ZNF667: variants seen among roughly 807,000 people sequenced by gnomAD.
ZNF667 encodes zinc finger protein 667, also known as myocardial ischemic preconditioning upregulated 1 ortholog.
In ZNF667, 13 loss-of-function variants were observed where a neutral mutation model predicts 31.8. The ratio of observed to expected loss-of-function variants is 0.41; its 90% CI spans 0.27 to 0.65. The LOEUF (loss-of-function observed/expected upper bound fraction) is 0.65, where lower values mean the gene tolerates loss of function less well. ZNF667 is among the 30% of genes least tolerant of loss of function. ZNF667 has a pLI of 0.32. For missense variants in ZNF667, 642 were observed against 725.6 expected (o/e 0.88, Z 1.32); for synonymous variants, 228 against 247.1 (o/e 0.92, Z 0.73).
intron 6 of ZNF667, among the ~76,000 whole-genome samples, chr19:56,457,507 T>C (rs1428838516): frequency 1.3e-5 from 2 of 152,218 alleles, no homozygotes; most frequent in South Asian, 2.1e-4. Context: ...TGCTTATCTA[T>C]AAAGTAGGGG....
In ZNF667 at chr19:56,440,998, T is replaced by G; in HGVS notation, c.*164A>C. On this transcript the variant is annotated 3_prime_UTR_variant, in exon 7 of 7. Transcript: ENST00000504904. Reference sequence around the variant, plus strand: ...ACTTCTGAGTTTCCTTCAGTTAATTTCAAATCCTGAGGTCAAAATCACCAA... The same window carrying G: ...ACTTCTGAGTTTCCTTCAGTTAATTGCAAATCCTGAGGTCAAAATCACCAA... 1 of 1,420,436 alleles carries G rather than the reference T, an allele frequency of 7.0e-7. No homozygotes were observed. Among genetic ancestry groups the G allele is most frequent in the Non-Finnish European group, 9.2e-7 (1 of 1,090,790 alleles). 88.0% of individuals were successfully genotyped at this position (1,420,436 alleles called of 1,614,324 possible).
In ZNF667 at chr19:56,440,693, G is replaced by T; in HGVS notation, c.*469C>A. 1 of 733,068 alleles carries T rather than the reference G, an allele frequency of 1.4e-6. No homozygotes were observed. Among genetic ancestry groups the T allele is most frequent in the Non-Finnish European group, 1.7e-6 (1 of 598,418 alleles). The allele number at this position is 733,068 out of a possible 1,614,324, so 45.4% of individuals were successfully genotyped here. A position where few individuals can be genotyped will look rare whatever the true frequency, so the allele number is the denominator to read the frequency against. ...GCTCTGTTGCCCAGACTGGAGTGCA[G>T]TGGTGCAATCTCTGCTCGGTGCAAC... On this transcript the variant is annotated 3_prime_UTR_variant, in exon 7 of 7. Coordinates refer to ENST00000504904, the MANE Select transcript of ZNF667 (RefSeq NM_001321356.2).
Position 56,442,028 on chromosome 19 carries a change from T to A in ZNF667, c.967A>T (p.Ser323Cys). ...KALSQSLQQR[S>C]HHLENPFKCR... ...TTAAAAGGATTCTCTAAATGGTGAC[T>A]TCTTTGCTGTAGACTCTGACTTAAG... Residue 323 changes from serine to cysteine, a missense_variant, in exon 7 of 7, where the codon AGT becomes TGT. Transcript: ENST00000504904. The A allele has an allele frequency of 6.2e-7, 1 of 1,614,170 alleles. No individual in the cohort carries two copies. Among genetic ancestry groups the A allele is most frequent in the Non-Finnish European group, 8.5e-7 (1 of 1,180,018 alleles).
At chr19:56,448,319 A>G (rs1050135195) in intron 6 of ZNF667, among the ~76,000 whole-genome samples, 19 of 152,176 alleles carry the variant, frequency 1.2e-4, no homozygotes, top group African/African-American at 3.1e-4. Flanking sequence ...TGTCCACCAC[A>G]GTGGTGGAAA....
chr19:56,473,489 T>C (rs568823120), intron 2 of ZNF667, among the ~76,000 whole-genome samples: 1 of 152,336 alleles, frequency 6.6e-6, no homozygotes, highest in South Asian at 2.1e-4. Flanking sequence ...TACATGCATA[T>C]AATGAGACAC....
At chr19:56,454,527 A>G (rs1396007638) in intron 6 of ZNF667, among the ~76,000 whole-genome samples, 2 of 151,914 alleles carry the variant, frequency 1.3e-5, no homozygotes, top group African/African-American at 2.4e-5. Context: ...ATAAATCCAT[A>G]CATCTACAGT....
intron 6 of ZNF667, among the ~76,000 whole-genome samples, chr19:56,451,954 A>G (rs2042837854): frequency 6.6e-6 from 1 of 151,804 alleles, no homozygotes; most frequent in Admixed American, 6.6e-5. Flanking sequence ...GAACAAAACT[A>G]GAAATCAATA....
intron 6 of ZNF667, among the ~76,000 whole-genome samples, chr19:56,454,437 G>C (rs1183407055): frequency 6.6e-6 from 1 of 151,948 alleles, no homozygotes; most frequent in African/African-American, 2.4e-5. Flanking sequence ...TTATACTACA[G>C]AGCTATAGTA....
At chr19:56,467,377 G>A (rs2043185926) in intron 3 of ZNF667, among the ~76,000 whole-genome samples, 1 of 152,136 alleles carries the variant, frequency 6.6e-6, no homozygotes, top group South Asian at 2.1e-4. Flanking sequence ...AAATTATCCT[G>A]AAAATGGAAA....
Position 56,441,111 on chromosome 19 carries a change from T to C in ZNF667, c.*51A>G. On this transcript the variant is annotated 3_prime_UTR_variant, in exon 7 of 7. Coordinates refer to ENST00000504904, the MANE Select transcript of ZNF667 (RefSeq NM_001321356.2). This position sits in a 1 kb window ranked among gnomAD's most constrained non-coding sequence, Gnocchi z 4.2. ...TTTACATTATAGACAAATACATATT[T>C]GCCATATGTTTGATAGCCTCATTCG... 6.5e-7 allele frequency: 1 copy of C among 1,541,322 alleles called. No individual in the cohort carries two copies. The highest frequency in any genetic ancestry group is 1.3e-5 in the South Asian group (1 of 78,958).
chr19:56,442,338 C>T lies in ZNF667; in HGVS notation c.657G>A (p.Met219Ile), dbSNP rs140879761. ...FNQRTTLILHMRIHDGKEILD... is the reference protein window; with the variant it reads ...FNQRTTLILHIRIHDGKEILD... ...GAATTTCCTTTCCATCATGAATTCT[C>T]ATATGTAGAATAAGGGTTGTTCTTT... Residue 219 changes from methionine to isoleucine, a missense_variant, in exon 7 of 7, where the codon ATG (methionine) becomes ATA (isoleucine). Met to Ile is a conservative substitution (Grantham distance 10). Transcript: ENST00000504904. 2 of 1,613,970 alleles carry T rather than the reference C, an allele frequency of 1.2e-6. No individual in the cohort carries two copies. The highest frequency in any genetic ancestry group is 1.7e-6 in the Non-Finnish European group (2 of 1,179,926).
intron 6 of ZNF667, among the ~76,000 whole-genome samples, chr19:56,451,604 C>T (rs1385358151): frequency 6.6e-6 from 1 of 152,108 alleles, no homozygotes; most frequent in African/African-American, 2.4e-5. Context: ...TGCACTGGCT[C>T]ACACCTCTAA....
intron 4 of ZNF667, among the ~76,000 whole-genome samples, 186 bp from the exon 5 acceptor site, chr19:56,461,001 T>C (rs764447479): frequency 2.6e-5 from 4 of 152,186 alleles, no homozygotes; most frequent in African/African-American, 7.2e-5. Context: ...ATATAAGACA[T>C]AGCTGTTATT....
chr19:56,476,353 C>A (rs1411366234), intron 1 of ZNF667, among the ~76,000 whole-genome samples: 1 of 152,148 alleles, frequency 6.6e-6, no homozygotes, highest in African/African-American at 2.4e-5. Flanking sequence ...CACCACTGCT[C>A]AACTGGAGAT....
intron 2 of ZNF667, among the ~76,000 whole-genome samples, chr19:56,473,578 C>T (rs2043339091): frequency 6.6e-6 from 1 of 152,134 alleles, no homozygotes. Flanking sequence ...GGGAAAACTG[C>T]AATGTCTGAG....
rs749080643 is a variant in ZNF667 at position 56,441,955 on chromosome 19, A to G, written c.1040T>C (p.Leu347Pro). The change falls in exon 7 of 7, where the codon CTT becomes CCT. Residue 347 changes from leucine (L) to proline (P), a missense_variant. Transcript: ENST00000504904. This position sits in a 1 kb window ranked among gnomAD's most constrained non-coding sequence, Gnocchi z 4.2. ...KLFNRISPLMLHQRIHTSEKP... is the reference protein window; with the variant it reads ...KLFNRISPLMPHQRIHTSEKP... ...CTCTGAAGTGTGAATTCTCTGGTGA[A>G]GCATCAGGGGTGAAATCCTATTAAA... 1 of 1,614,118 alleles carries G rather than the reference A, an allele frequency of 6.2e-7. No individual in the cohort carries two copies. The highest frequency in any genetic ancestry group is 8.5e-7 in the Non-Finnish European group (1 of 1,180,006).
chr19:56,467,529 T>C (rs981007565), intron 3 of ZNF667, among the ~76,000 whole-genome samples: 3 of 152,130 alleles, frequency 2.0e-5, no homozygotes, highest in African/African-American at 7.2e-5. Flanking sequence ...GACACTATGT[T>C]CCTGGGGACA....
Position 56,458,440 on chromosome 19 carries a change from G to A in ZNF667, c.161-193C>T, listed in dbSNP as rs117435703. 4.7e-3 allele frequency among the ~76,000 whole-genome samples: 723 copies of A among 152,234 alleles called. 5 individuals are homozygous for A. Among genetic ancestry groups the A allele is most frequent in the Non-Finnish European group, 6.9e-3 (469 of 68,016 alleles). ...GTATTTGCTTTTCATCCCTGTTTCC[G>A]GCACACAGCTCCTTAAACCCTGGGA... On this transcript the variant is annotated intron_variant, in intron 5 of 6. Transcript: ENST00000504904.
intron 3 of ZNF667, chr19:56,468,663 A>T (rs570129571): frequency 2.0e-5 from 3 of 152,202 alleles, no homozygotes; most frequent in Non-Finnish European, 4.4e-5. Flanking sequence ...CTTGTCTCCG[A>T]TATTTTGGGT....
Sources: allele counts gnomAD v4.1 joint callset (sites outside exome capture counted in the v4.1 genomes callset), GRCh38; gene constraint gnomAD v4.1.1; non-coding constraint Gnocchi (gnomAD v3.1); transcripts MANE v1.5; gene names NCBI Gene and HGNC (gene_info 2026-07-23, HGNC 2026-07-21).